EBF1: variants seen among roughly 807,000 people sequenced by gnomAD.
EBF1 encodes transcription factor COE1.
A neutral mutation model predicts 68.4 loss-of-function variants in EBF1; 10 were observed. That is an observed-to-expected ratio of 0.15 (90% CI 0.09 to 0.25). The LOEUF is 0.25. EBF1 is among the 10% of genes least tolerant of loss of function. EBF1 has a pLI of 1.00. For missense variants in EBF1, 509 were observed against 794.4 expected, an observed-to-expected ratio of 0.64 and a Z score of 4.32; for synonymous variants, 298 against 299.8, an observed-to-expected ratio of 0.99 and a Z score of 0.06.
chr5:159,049,390 T>C (rs867309090), intron 6 of EBF1, among the ~76,000 whole-genome samples: 1 of 152,120 alleles, frequency 6.6e-6, no homozygotes, highest in Non-Finnish European at 1.5e-5. Context: ...TTCTTAAAAC[T>C]AGAAAAGATA....
chr5:158,992,917 C>CTTT (rs148629320), intron 6 of EBF1, among the ~76,000 whole-genome samples: 21 of 72,842 alleles, frequency 2.9e-4, no homozygotes, highest in East Asian at 9.1e-4. Context: ...CTGTTTCTTT[C>CTTT]TTTTTTTTTT....
At chr5:158,840,647 T>G (rs972252258) in intron 6 of EBF1, among the ~76,000 whole-genome samples, 4 of 13,870 alleles carry the variant, frequency 2.9e-4, no homozygotes, top group East Asian at 2.0e-3. Flanking sequence ...TACCTCCTGT[T>G]TTTTTTTTTT....
chr5:158,714,035 G>A (rs1760070218), intron 12 of EBF1, 82 bp downstream of exon 12: 1 of 1,433,352 alleles, frequency 7.0e-7, no homozygotes. Flanking sequence ...TATATTGTTT[G>A]TGCTTTCTCA....
At chr5:159,029,417 G>T (rs112257732) in intron 6 of EBF1, among the ~76,000 whole-genome samples, 1,653 of 152,218 alleles carry the variant, frequency 0.011, 11 homozygotes, top group Admixed American at 0.017. Flanking sequence ...TTATCCCAAG[G>T]CTTTCAAAGT....
chr5:158,824,010 C>G (rs1785454458), intron 7 of EBF1, among the ~76,000 whole-genome samples: 1 of 151,846 alleles, frequency 6.6e-6, no homozygotes, highest in Admixed American at 6.6e-5. Context: ...TGACTGTGAA[C>G]CCAGTTTGCC....
chr5:158,826,424 G>T (rs540173048), intron 7 of EBF1, among the ~76,000 whole-genome samples: 1 of 152,124 alleles, frequency 6.6e-6, no homozygotes, highest in Non-Finnish European at 1.5e-5. Context: ...ATTGCCTACT[G>T]CATTGGACAC....
At chr5:159,018,315 C>T (rs1223753172) in intron 6 of EBF1, among the ~76,000 whole-genome samples, 1 of 152,200 alleles carries the variant, frequency 6.6e-6, no homozygotes, top group Admixed American at 6.5e-5. Flanking sequence ...GTTAGTGTCT[C>T]AAGTCAGGGT....
At chr5:159,031,535 T>G (rs1768873030) in intron 6 of EBF1, among the ~76,000 whole-genome samples, 1 of 152,210 alleles carries the variant, frequency 6.6e-6, no homozygotes, top group African/African-American at 2.4e-5. Context: ...AAAGTCTACA[T>G]TTGACTTCAA....
chr5:158,711,075 G>A (rs1038009560), intron 14 of EBF1, among the ~76,000 whole-genome samples: 70 of 152,162 alleles, frequency 4.6e-4, no homozygotes, highest in African/African-American at 1.6e-3. Context: ...CAGAGACAAG[G>A]CACCAAAGAA....
intron 6 of EBF1, among the ~76,000 whole-genome samples, chr5:158,876,801 G>A (rs1379562420): frequency 6.6e-6 from 1 of 152,088 alleles, no homozygotes; most frequent in Non-Finnish European, 1.5e-5. Context: ...CCTTTCGATT[G>A]TATTAATACA....
At chr5:158,947,688 C>T (rs886126331) in intron 6 of EBF1, among the ~76,000 whole-genome samples, 1 of 152,208 alleles carries the variant, frequency 6.6e-6, no homozygotes, top group African/African-American at 2.4e-5. Flanking sequence ...TATGCCATGA[C>T]AATCTATAAC....
At chr5:158,805,944 G>A (rs1031241486) in intron 8 of EBF1, among the ~76,000 whole-genome samples, 1 of 151,864 alleles carries the variant, frequency 6.6e-6, no homozygotes, top group African/African-American at 2.4e-5. Context: ...AGATTTCTAT[G>A]TTTTAAGGAG....
intron 6 of EBF1, among the ~76,000 whole-genome samples, chr5:158,897,611 T>C (rs543598205): frequency 1.3e-5 from 2 of 152,172 alleles, no homozygotes; most frequent in East Asian, 3.9e-4. Context: ...CTCATCTAGT[T>C]GAAAGGGACA....
At chr5:158,801,446 T>C (rs1455111100) in intron 8 of EBF1, among the ~76,000 whole-genome samples, 1 of 152,066 alleles carries the variant, frequency 6.6e-6, no homozygotes, top group African/African-American at 2.4e-5. Context: ...ATTTTAGCGT[T>C]TGTATGAGAG....
chr5:158,877,925 G>A (rs1007116427), intron 6 of EBF1, among the ~76,000 whole-genome samples: 3 of 151,788 alleles, frequency 2.0e-5, no homozygotes, highest in Admixed American at 6.6e-5. Context: ...AACCAGCAAG[G>A]AATAGAATGC....
intron 6 of EBF1, among the ~76,000 whole-genome samples, chr5:158,933,334 T>G (rs1292071835): frequency 6.6e-6 from 1 of 152,120 alleles, no homozygotes; most frequent in Non-Finnish European, 1.5e-5. Context: ...AAGGATAACA[T>G]AATTACAACT....
chr5:158,725,355 A>G (rs912748001), intron 11 of EBF1, among the ~76,000 whole-genome samples: 4 of 152,220 alleles, frequency 2.6e-5, no homozygotes, highest in Admixed American at 1.3e-4. Flanking sequence ...CTGCACAGCC[A>G]GCCACACTGG....
chr5:158,728,489 C>T (rs1477801739), intron 11 of EBF1, among the ~76,000 whole-genome samples: 1 of 152,152 alleles, frequency 6.6e-6, no homozygotes, highest in Non-Finnish European at 1.5e-5. Flanking sequence ...CCTAGATTCC[C>T]ATTTCTCTCC....
At chr5:159,051,537 G>T (rs778324138) in intron 6 of EBF1, among the ~76,000 whole-genome samples, 2 of 150,478 alleles carry the variant, frequency 1.3e-5, no homozygotes, top group Non-Finnish European at 3.0e-5. Context: ...GGGCCTTTCC[G>T]CTTAGGAGGA....
Sources: allele counts gnomAD v4.1 joint callset (sites outside exome capture counted in the v4.1 genomes callset), GRCh38; gene constraint gnomAD v4.1.1; transcripts MANE v1.5; gene names NCBI Gene and HGNC (gene_info 2026-07-23, HGNC 2026-07-21).